GCFC2: variants seen among roughly 807,000 people sequenced by gnomAD.
GCFC2 encodes the protein intron Large complex component GCFC2.
GCFC2 carries 102 observed loss-of-function variants against 99.4 expected under a neutral mutation model. The observed-to-expected ratio is 1.03, with a 90% confidence interval of 0.87 to 1.21. The LOEUF is 1.21. GCFC2 is among the 50% of genes most tolerant of loss of function. The pLI is 0.00. For synonymous variants in GCFC2, 338 were observed against 316.8 expected, an observed-to-expected ratio of 1.07 and a Z score of -0.71; for missense variants, 973 against 920.9, an observed-to-expected ratio of 1.06 and a Z score of -0.73.
intron 4 of GCFC2, among the ~76,000 whole-genome samples, chr2:75,699,205 G>A (rs1184925155): frequency 6.6e-6 from 1 of 152,108 alleles, no homozygotes; most frequent in African/African-American, 2.4e-5. Flanking sequence ...CATCTCATTA[G>A]TAAGGAATTT....
At chr2:75,700,959 G>C (rs541135401) in intron 4 of GCFC2, among the ~76,000 whole-genome samples, 1 of 152,310 alleles carries the variant, frequency 6.6e-6, no homozygotes, top group East Asian at 1.9e-4. Context: ...GTAGTCACAA[G>C]CCAAGAAACA....
rs1680207856 is a variant in GCFC2 at position 75,694,234 on chromosome 2, T to C, written c.1020+7A>G. On this transcript the variant is annotated splice_region_variant and intron_variant, in intron 6 of 16. Transcript: ENST00000321027. ...AGGAAATGATATAAATAAATATTGATATGTACCTTTTCATTAAGGCAGTCA... is the reference window on the plus strand; with the variant it reads ...AGGAAATGATATAAATAAATATTGACATGTACCTTTTCATTAAGGCAGTCA... 1.3e-6 allele frequency: 1 copy of C among 756,708 alleles called. No homozygotes were observed. The highest frequency in any genetic ancestry group is 2.1e-5 in the South Asian group (1 of 47,208). 46.9% of individuals were successfully genotyped at this position (756,708 alleles called of 1,614,324 possible).
intron 5 of GCFC2, 96 bp from the exon 6 acceptor site, chr2:75,694,523 A>G (rs563014250): frequency 6.9e-5 from 32 of 461,658 alleles, no homozygotes; most frequent in Non-Finnish European, 1.1e-4. Flanking sequence ...GGAAACTGAC[A>G]ATCATATAAA....
At position 75,710,842 on chromosome 2, in the gene GCFC2, G is replaced by C. The variant is rs376090595; in HGVS notation, c.14C>G (p.Pro5Arg). The change falls in exon 1 of 17, where the codon CCG becomes CGG. Residue 5 changes from proline to arginine, a missense_variant. Coordinates refer to ENST00000321027, the MANE Select transcript of GCFC2 (RefSeq NM_003203.5). MAHRPKRTFRQRAAD... is the reference protein window; with the variant it reads MAHRRKRTFRQRAAD... ...CGCGCGCTGCCGAAAAGTCCTTTTCGGCCTGTGAGCCATGGCCGAGGCCCG... is the reference window on the plus strand; with the variant it reads ...CGCGCGCTGCCGAAAAGTCCTTTTCCGCCTGTGAGCCATGGCCGAGGCCCG... The C allele has an allele frequency of 6.4e-7, 1 of 1,574,678 alleles. No homozygotes were observed. The highest frequency in any genetic ancestry group is 1.1e-5 in the South Asian group (1 of 87,694).
At chr2:75,665,186 C>T (rs1678781858) in intron 16 of GCFC2, among the ~76,000 whole-genome samples, 2 of 151,450 alleles carry the variant, frequency 1.3e-5, no homozygotes, top group South Asian at 4.2e-4. Context: ...GGTCTTGGCT[C>T]TGCTGGTCAG....
intron 3 of GCFC2, 137 bp from the exon 4 acceptor site, chr2:75,701,424 A>G: frequency 1.6e-6 from 1 of 611,198 alleles, no homozygotes; most frequent in Admixed American, 3.0e-5. Context: ...TTCTGGGAAG[A>G]AGGCACTATT....
intron 5 of GCFC2, among the ~76,000 whole-genome samples, chr2:75,695,223 A>C (rs1014929672): frequency 1.1e-4 from 17 of 152,138 alleles, no homozygotes; most frequent in Admixed American, 1.1e-3. Flanking sequence ...TTATATGTTT[A>C]CATATTGTCT....
intron 6 of GCFC2, among the ~76,000 whole-genome samples, chr2:75,693,666 A>C (rs1419812494): frequency 6.6e-6 from 1 of 152,152 alleles, no homozygotes; most frequent in Non-Finnish European, 1.5e-5. Flanking sequence ...GTAAGTTCAC[A>C]TTAAGTAGGA....
chr2:75,672,743 C>T (rs1345506330), intron 13 of GCFC2, among the ~76,000 whole-genome samples: 3 of 152,156 alleles, frequency 2.0e-5, no homozygotes, highest in Non-Finnish European at 4.4e-5. Flanking sequence ...CTCTTCATCT[C>T]CCTAATATCC....
chr2:75,710,618 C>CT lies in GCFC2; in HGVS notation c.237dup (p.Ala80SerfsTer15). On this transcript the variant is annotated frameshift_variant, in exon 1 of 17. Coordinates refer to ENST00000321027, the MANE Select transcript of GCFC2 (RefSeq NM_003203.5). LOFTEE classifies it high-confidence loss of function. ...GAGCCTTCGTCCGCGCGGGGAGCCG[C>CT]TTTGGTGGCACGCCGGGAGCTCGCC... is the stretch of plus-strand genomic sequence containing the variant. The CT allele has an allele frequency of 6.6e-7, 1 of 1,515,206 alleles. No individual in the cohort carries two copies. Among genetic ancestry groups the CT allele is most frequent in the Non-Finnish European group, 8.8e-7 (1 of 1,138,634 alleles). The allele number at this position is 1,515,206 out of a possible 1,614,324, so 93.9% of individuals were successfully genotyped here.
intron 10 of GCFC2, among the ~76,000 whole-genome samples, chr2:75,688,682 A>G (rs192138776): frequency 1.3e-5 from 2 of 152,236 alleles, no homozygotes; most frequent in East Asian, 3.9e-4. Flanking sequence ...TCTTCCCAGT[A>G]TGTCATCTCC....
chr2:75,708,501 CTTTTTTTTTTTTTTTTTTT>C (rs34414596), intron 1 of GCFC2, among the ~76,000 whole-genome samples: 3 of 78,642 alleles, frequency 3.8e-5, no homozygotes, highest in African/African-American at 1.4e-4. Context: ...CATTTGGCAA[CTTTTTTTTTTTTTTTTTTT>C]TTTTTTTTTG....
chr2:75,667,294 A>G lies in GCFC2; in HGVS notation c.2104-1241T>C, dbSNP rs78605829. Among the ~76,000 whole-genome samples the G allele has an allele frequency of 4.5e-4, 68 of 152,288 alleles. No homozygotes were observed. In the East Asian group the frequency reaches 0.011, roughly 26 times the overall value. The stretch of plus-strand genomic sequence containing the variant: ...TGCTAATGGAAACCTGGCCTGTCAC[A>G]ATATCACACTATTCAAGGAAATTCC... On this transcript the variant is annotated intron_variant, in intron 15 of 16. Transcript: ENST00000321027.
chr2:75,680,010 A>T (rs1035356859), intron 12 of GCFC2, among the ~76,000 whole-genome samples, 183 bp downstream of exon 12: 32 of 151,884 alleles, frequency 2.1e-4, no homozygotes, highest in Admixed American at 2.6e-4. Context: ...AGTTTAAAAA[A>T]TTTTTTTTTC....
Position 75,681,758 on chromosome 2 carries a change from C to T in GCFC2, c.1691-1444G>A, listed in dbSNP as rs78746022. ...ACCTGAGATGCTTCAGCTTGGTAGGCGGAGGGGTGTCCGCCACTGCTGAGG... is the reference window on the plus strand; with the variant it reads ...ACCTGAGATGCTTCAGCTTGGTAGGTGGAGGGGTGTCCGCCACTGCTGAGG... On this transcript the variant is annotated intron_variant, in intron 11 of 16. Transcript: ENST00000321027. Among the ~76,000 whole-genome samples the T allele has an allele frequency of 4.2e-3, 637 of 151,874 alleles. 20 individuals are homozygous for T. The highest frequency in any genetic ancestry group is 0.015 in the African/African-American group (615 of 41,214).
chr2:75,670,696 C>T (rs989157451), intron 14 of GCFC2: 3 of 154,694 alleles, frequency 1.9e-5, no homozygotes, highest in Non-Finnish European at 2.9e-5. Context: ...CTGAGAGCTT[C>T]ATTCCTCTGA....
chr2:75,712,431 T>C (rs943434626), upstream of GCFC2, among the ~76,000 whole-genome samples: 1 of 152,166 alleles, frequency 6.6e-6, no homozygotes, highest in Admixed American at 6.5e-5. Flanking sequence ...TGTGGAGAAC[T>C]TTTGTATCTA....
At chr2:75,669,282 C>T (rs1017305423) in intron 15 of GCFC2, among the ~76,000 whole-genome samples, 1 of 152,044 alleles carries the variant, frequency 6.6e-6, no homozygotes, top group African/African-American at 2.4e-5. Context: ...ACTTTTCTAA[C>T]TTTCTATTAT....
At chr2:75,710,977 C>T, upstream of GCFC2, 1 of 1,367,112 alleles carries the variant, frequency 7.3e-7, no homozygotes, top group African/African-American at 1.5e-5. Context: ...CCCGTCCCGC[C>T]TGCCTTCTGC....
Sources: allele counts gnomAD v4.1 joint callset (sites outside exome capture counted in the v4.1 genomes callset), GRCh38; gene constraint gnomAD v4.1.1; transcripts MANE v1.5; gene names NCBI Gene and HGNC (gene_info 2026-07-23, HGNC 2026-07-21).